NCOR2: variants seen among roughly 807,000 people sequenced by gnomAD.
NCOR2 encodes CTG repeat protein 26.
Under a neutral mutation model 262.9 loss-of-function variants are expected in NCOR2, and 81 were observed. The ratio of observed to expected loss-of-function variants is 0.31; its 90% CI spans 0.26 to 0.37. The LOEUF (loss-of-function observed/expected upper bound fraction) is 0.37, where lower values mean the gene tolerates loss of function less well. Ranked by LOEUF, NCOR2 falls within the 10% of genes least tolerant of loss-of-function variation. The pLI is 1.00. For missense variants in NCOR2, 3,385 were observed against 3,621.4 expected, an observed-to-expected ratio of 0.93 and a Z score of 1.68; for synonymous variants, 1,659 against 1,559.3, an observed-to-expected ratio of 1.06 and a Z score of -1.51.
chr12:124,501,276 G>A (rs117544860), intron 1 of NCOR2, among the ~76,000 whole-genome samples: 49 of 152,156 alleles, frequency 3.2e-4, no homozygotes, highest in East Asian at 3.1e-3. Context: ...CTCCCTCACC[G>A]CTCAGTAGGT....
chr12:124,499,712 A>G (rs1199424492), upstream of NCOR2, among the ~76,000 whole-genome samples: 1 of 152,004 alleles, frequency 6.6e-6, no homozygotes, highest in Non-Finnish European at 1.5e-5. Context: ...GTGGGGACAG[A>G]GTCATTCAGG....
chr12:124,500,119 C>T (rs914695542), upstream of NCOR2, among the ~76,000 whole-genome samples: 3 of 152,092 alleles, frequency 2.0e-5, no homozygotes, highest in African/African-American at 2.4e-5. Context: ...GAGAACAAGA[C>T]GGTGCCTGGG....
intron 13 of NCOR2, among the ~76,000 whole-genome samples, chr12:124,406,990 T>C (rs2042310064): frequency 6.6e-6 from 1 of 152,260 alleles, no homozygotes; most frequent in African/African-American, 2.4e-5. Flanking sequence ...CCCAGTTTTA[T>C]GGATGAGAAT....
chr12:124,397,213 C>G (rs550979180), intron 16 of NCOR2, among the ~76,000 whole-genome samples: 16 of 152,342 alleles, frequency 1.1e-4, no homozygotes, highest in African/African-American at 1.9e-4. Context: ...TGCGCCAGCT[C>G]CGACAGCCCC....
chr12:124,464,421 G>A (rs139798765), intron 5 of NCOR2, among the ~76,000 whole-genome samples: 3 of 152,316 alleles, frequency 2.0e-5, no homozygotes, highest in African/African-American at 7.2e-5. Context: ...TCCACTTTGG[G>A]CTCCTGGAGC....
chr12:124,425,553 C>T (rs1442670984), intron 11 of NCOR2, among the ~76,000 whole-genome samples: 1 of 152,034 alleles, frequency 6.6e-6, no homozygotes, highest in African/African-American at 2.4e-5. Context: ...AGCACACTGT[C>T]CCTAAGGCGT....
chr12:124,327,623 G>T (rs373968941), exon 45 of NCOR2: 2 of 1,608,302 alleles, frequency 1.2e-6, no homozygotes, highest in South Asian at 2.2e-5. Flanking sequence ...GGCTTCTATA[G>T]GTCATAAGGC....
intron 1 of NCOR2, among the ~76,000 whole-genome samples, chr12:124,520,393 G>A (rs540408588): frequency 5.9e-5 from 9 of 152,282 alleles, no homozygotes; most frequent in African/African-American, 2.2e-4. Flanking sequence ...GAGAGCGGCC[G>A]AGTCAGGCCT....
At chr12:124,383,668 A>G (rs2040579604) in intron 17 of NCOR2, among the ~76,000 whole-genome samples, 1 of 152,238 alleles carries the variant, frequency 6.6e-6, no homozygotes, top group African/African-American at 2.4e-5. Flanking sequence ...TCTGGCAGGC[A>G]CTAAGGACCT....
chr12:124,372,294 G>C, exon 20 of NCOR2: 1 of 1,541,794 alleles, frequency 6.5e-7, no homozygotes, highest in South Asian at 1.2e-5. Context: ...CAGCCGCGGG[G>C]GGCTTCTGCT....
chr12:124,532,188 G>A (rs558766858), intron 1 of NCOR2, among the ~76,000 whole-genome samples: 13 of 152,166 alleles, frequency 8.5e-5, no homozygotes, highest in African/African-American at 2.9e-4. Flanking sequence ...AGCGAGTGTC[G>A]GCCCTGAGGT....
chr12:124,472,837 C>T, intron 4 of NCOR2, 115 bp downstream of exon 6: 1 of 1,408,970 alleles, frequency 7.1e-7, no homozygotes, highest in East Asian at 2.3e-5. Context: ...GGCATAAAAA[C>T]CAGTGAGCAC....
rs1241726476 is a variant in NCOR2 at position 124,503,073 on chromosome 12, C to T, written c.-117-7705G>A. On this transcript the variant is annotated intron_variant, in intron 1 of 46. Coordinates refer to the NCOR2 transcript ENST00000404621. The surrounding 1 kb of genome is among the most constrained non-coding windows in gnomAD (Gnocchi z 4.3). ...GGGTCAAATACTAAGAGCTCAATCC[C>T]GGGTGCCACCCACAAGGGTGCGGTC... 6.6e-6 allele frequency among the ~76,000 whole-genome samples: 1 copy of T among 152,230 alleles called. No homozygotes were observed. The highest frequency in any genetic ancestry group is 2.4e-5 in the African/African-American group (1 of 41,458).
intron 1 of NCOR2, chr12:124,529,701 T>C (rs1316441951): frequency 2.0e-5 from 3 of 152,082 alleles, no homozygotes; most frequent in Non-Finnish European, 4.4e-5. Flanking sequence ...GCCAGACACA[T>C]AAAATCAAAA....
At chr12:124,546,843 G>C (rs991299121) in intron 1 of NCOR2, among the ~76,000 whole-genome samples, 3 of 152,166 alleles carry the variant, frequency 2.0e-5, no homozygotes, top group African/African-American at 7.2e-5. Flanking sequence ...GGTCCTGCCT[G>C]TGAGTGTCCA....
intron 1 of NCOR2, among the ~76,000 whole-genome samples, chr12:124,519,369 G>A (rs2050045902): frequency 6.6e-6 from 1 of 152,176 alleles, no homozygotes; most frequent in African/African-American, 2.4e-5. Context: ...TCACTTCCCT[G>A]CCCCTAGCAG....
intron 1 of NCOR2, among the ~76,000 whole-genome samples, chr12:124,553,291 T>C (rs1319714379): frequency 6.6e-6 from 1 of 152,238 alleles, no homozygotes; most frequent in Non-Finnish European, 1.5e-5. Context: ...CAAGGTCAGC[T>C]GGTTAGCAGC....
chr12:124,551,328 C>T (rs566103610), intron 1 of NCOR2, among the ~76,000 whole-genome samples: 3 of 152,334 alleles, frequency 2.0e-5, no homozygotes, highest in Non-Finnish European at 2.9e-5. Flanking sequence ...AGCAGTCATA[C>T]GGCTCCCCCA....
In NCOR2 at chr12:124,390,547, C is replaced by G. The variant is rs563928679; in HGVS notation, c.1877-4660G>C. 2.1e-3 allele frequency among the ~76,000 whole-genome samples: 309 copies of G among 149,622 alleles called. 1 individual carries two copies. Among genetic ancestry groups the G allele is most frequent in the African/African-American group, 7.3e-3 (294 of 40,010 alleles). On this transcript the variant is annotated intron_variant, in intron 16 of 46. Transcript: ENST00000405201. ...TAGCTTTCACCGCCTCTGAAATTAG[C>G]TCCCTCGTCCCACTGCTCATCGGCA...
Sources: allele counts gnomAD v4.1 joint callset (sites outside exome capture counted in the v4.1 genomes callset), GRCh38; gene constraint gnomAD v4.1.1; non-coding constraint Gnocchi (gnomAD v3.1); transcripts MANE v1.5; gene names NCBI Gene and HGNC (gene_info 2026-07-23, HGNC 2026-07-21).